Variants in ZNF567 observed in about 807,000 individuals in gnomAD.
The protein encoded by ZNF567 is zinc finger protein 567.
A neutral mutation model predicts 53.9 loss-of-function variants in ZNF567; 36 were observed. The observed-to-expected ratio is 0.67, with a 90% CI of 0.51 to 0.88. The LOEUF is 0.88. Ranked by LOEUF, ZNF567 falls within the 40% of genes least tolerant of loss-of-function variation. The pLI, the probability that ZNF567 is intolerant of heterozygous loss-of-function variation, is 0.00. For missense variants in ZNF567, 619 were observed against 764.7 expected, an observed-to-expected ratio of 0.81 and a Z score of 2.25; for synonymous variants, 224 against 260.4, an observed-to-expected ratio of 0.86 and a Z score of 1.35.
downstream of ZNF567, among the ~76,000 whole-genome samples, chr19:36,723,857 A>G (rs2040322986): frequency 1.3e-5 from 2 of 152,120 alleles, no homozygotes; most frequent in African/African-American, 2.4e-5. Flanking sequence ...AATCATGAAT[A>G]TAATCATTAT....
Position 36,719,391 on chromosome 19 carries a change from G to T in ZNF567, c.667G>T (p.Gly223Ter), listed in dbSNP as rs752278511. The T allele has an allele frequency of 1.5e-5, 25 of 1,613,624 alleles. No homozygotes were observed. In the South Asian group the frequency reaches 2.6e-4, roughly 17 times the overall value. Residue 223 changes from glycine (G) to a stop codon, truncating the protein, a stop_gained, in exon 6 of 6, where the codon GGA becomes TGA. Coordinates refer to ENST00000682579, the MANE Select transcript of ZNF567 (RefSeq NM_001322917.1). LOFTEE classifies it high-confidence loss of function. ...CTGTGAGAAATCATTCCTTCAAAGG[G>T]GAGGCCTGATTACACATAGTAGACC... ...NDCEKSFLQR[G>*]GLITHSRPYK...
chr19:36,682,971 T>TTG (rs918205734), upstream of ZNF567, among the ~76,000 whole-genome samples: 7 of 151,574 alleles, frequency 4.6e-5, no homozygotes, highest in East Asian at 1.9e-4. Flanking sequence ...CTCTCTCTCT[T>TTG]TGTGTGTGTG....
At chr19:36,721,548 C>G (rs2145930802), downstream of ZNF567, among the ~76,000 whole-genome samples, 1 of 152,162 alleles carries the variant, frequency 6.6e-6, no homozygotes, top group African/African-American at 2.4e-5. Context: ...TTAGCTGTCT[C>G]TCAATGCTTA....
Position 36,720,571 on chromosome 19 carries a change from C to T in ZNF567, c.1847C>T (p.Pro616Leu), listed in dbSNP as rs1185223439. Residue 616 changes from proline to leucine, a missense_variant, in exon 6 of 6, where the codon CCC (proline) becomes CTC (leucine). Physicochemically the swap from Pro to Leu is moderately conservative, Grantham distance 98. Coordinates refer to ENST00000682579, the MANE Select transcript of ZNF567 (RefSeq NM_001322917.1). ...VHQRTHTGEK[P>L]YVCNECGKSF... ...CAGAGAACTCACACAGGTGAGAAAC[C>T]CTATGTTTGTAATGAGTGTGGTAAG... The T allele has an allele frequency of 1.9e-6, 3 of 1,613,334 alleles. No individual in the cohort carries two copies. Among genetic ancestry groups the T allele is most frequent in the South Asian group, 1.1e-5 (1 of 90,862 alleles).
Position 36,712,804 on chromosome 19 carries a change from G to A in ZNF567, c.160G>A (p.Val54Met), listed in dbSNP as rs761078334. ...SVGCHMTKPD[V>M]ILKLERGEEP... The stretch of plus-strand genomic sequence containing the variant: ...AGGGTGTCACATGACCAAACCTGAT[G>A]TGATCCTCAAGTTGGAACGAGGAGA... Residue 54 changes from valine (V) to methionine (M), a missense_variant, in exon 5 of 6, where the codon GTG becomes ATG. By Grantham distance (21) the Val-to-Met change is conservative. Coordinates refer to ENST00000682579, the MANE Select transcript of ZNF567 (RefSeq NM_001322917.1). 2.5e-6 allele frequency: 4 copies of A among 1,613,940 alleles called. No individual in the cohort carries two copies. Among genetic ancestry groups the A allele is most frequent in the Non-Finnish European group, 3.4e-6 (4 of 1,180,010 alleles).
At position 36,719,032 on chromosome 19, in the gene ZNF567, A is replaced by G; in HGVS notation, c.308A>G (p.His103Arg). 6.2e-7 allele frequency: 1 copy of G among 1,611,580 alleles called. No individual in the cohort carries two copies. The highest frequency in any genetic ancestry group is 8.5e-7 in the Non-Finnish European group (1 of 1,179,342). ...KYSRSVVSIN[H>R]KKLVKEKSKI... Reference sequence around the variant, plus strand: ...TCTAGATCAGTTGTAAGCATCAACCACAAAAAACTGGTGAAGGAGAAGAGT... The same window carrying G: ...TCTAGATCAGTTGTAAGCATCAACCGCAAAAAACTGGTGAAGGAGAAGAGT... The change falls in exon 6 of 6, where the codon CAC becomes CGC. Residue 103 changes from histidine to arginine, a missense_variant. By Grantham distance (29) the His-to-Arg change is conservative (BLOSUM62 0). Transcript: ENST00000682579.
chr19:36,680,718 G>T, the ZNF567 span, among the ~76,000 whole-genome samples: 1 of 152,272 alleles, frequency 6.6e-6, no homozygotes, highest in Admixed American at 6.5e-5. Flanking sequence ...GATTCTAGGG[G>T]AGAAGCCTCA....
chr19:36,676,892 A>G, the ZNF567 span, among the ~76,000 whole-genome samples: 1 of 152,134 alleles, frequency 6.6e-6, no homozygotes, highest in African/African-American at 2.4e-5. Flanking sequence ...GCGGTGGCTC[A>G]TGCCTGTAAT....
chr19:36,715,509 A>AATT (rs747530916), intron 5 of ZNF567, among the ~76,000 whole-genome samples: 4,964 of 45,462 alleles, frequency 0.11, 177 homozygotes, highest in Non-Finnish European at 0.13. Context: ...TAATAATAAT[A>AATT]ATTATTATTA....
chr19:36,699,424 T>G (rs892542344), intron 3 of ZNF567, among the ~76,000 whole-genome samples: 3 of 152,308 alleles, frequency 2.0e-5, no homozygotes, highest in African/African-American at 7.2e-5. Context: ...TGGTTCCATA[T>G]GAACTTTAAA....
upstream of ZNF567, among the ~76,000 whole-genome samples, chr19:36,682,755 C>T (rs2038206609): frequency 6.6e-6 from 1 of 151,224 alleles, no homozygotes; most frequent in Non-Finnish European, 1.5e-5. Context: ...CTACAGGTGC[C>T]CTCCACCACG....
Position 36,695,165 on chromosome 19 carries a change from G to A in ZNF567, c.9+289G>A, listed in dbSNP as rs1051420255. Among the ~76,000 whole-genome samples, 4 of 151,136 alleles carry A rather than the reference G, an allele frequency of 2.6e-5. No individual in the cohort carries two copies. In the East Asian group the frequency reaches 5.9e-4, roughly 22 times the overall value. On this transcript the variant is annotated intron_variant, in intron 3 of 5. Coordinates refer to ENST00000682579, the MANE Select transcript of ZNF567 (RefSeq NM_001322917.1). ...TGAGAGGCTGAGGCAGGAGAATTGC[G>A]AGTCCAGGAGTTCAAGACCAGCCAG... is the stretch of plus-strand genomic sequence containing the variant.
chr19:36,677,179 G>T, the ZNF567 span, among the ~76,000 whole-genome samples: 2 of 131,992 alleles, frequency 1.5e-5, no homozygotes, highest in African/African-American at 2.9e-5. Flanking sequence ...AAAAAAAAAG[G>T]CTGGGTGTGG....
intron 3 of ZNF567, chr19:36,711,211 C>A: frequency 6.6e-6 from 1 of 152,512 alleles, no homozygotes; most frequent in Non-Finnish European, 1.5e-5. Context: ...AGCAGGATTA[C>A]AGGCACCCAC....
chr19:36,701,962 C>T (rs1034776637), intron 3 of ZNF567, among the ~76,000 whole-genome samples: 2 of 151,554 alleles, frequency 1.3e-5, no homozygotes, highest in African/African-American at 4.9e-5. Flanking sequence ...TTGATCCTGT[C>T]ATTATGATGA....
At chr19:36,700,176 A>G (rs1375650435) in intron 3 of ZNF567, among the ~76,000 whole-genome samples, 4 of 147,154 alleles carry the variant, frequency 2.7e-5, no homozygotes, top group African/African-American at 1.0e-4. Context: ...ATCTATTGAG[A>G]TAATCATGTG....
At chr19:36,703,484 T>C (rs957392595) in intron 3 of ZNF567, among the ~76,000 whole-genome samples, 1 of 152,136 alleles carries the variant, frequency 6.6e-6, no homozygotes, top group Admixed American at 6.5e-5. Flanking sequence ...CATTTAAGTC[T>C]GCAGAGGTTA....
At position 36,720,131 on chromosome 19, in the gene ZNF567, A is replaced by T. The variant is rs778810988; in HGVS notation, c.1407A>T (p.Arg469Ser). The T allele has an allele frequency of 6.2e-7, 1 of 1,614,070 alleles. No homozygotes were observed. Among genetic ancestry groups the T allele is most frequent in the South Asian group, 1.1e-5 (1 of 91,072 alleles). The change falls in exon 6 of 6, where the codon AGA becomes AGT. Residue 469 changes from arginine (R) to serine (S), a missense_variant. Arg to Ser is a moderately radical substitution (Grantham distance 110, BLOSUM62 -1). Coordinates refer to ENST00000682579, the MANE Select transcript of ZNF567 (RefSeq NM_001322917.1). ...RQKTTLVAHQ[R>S]THTGEKSYEC... ...AGACAACCCTTGTAGCACATCAGAG[A>T]ACACATACAGGGGAGAAATCTTATG...
At chr19:36,702,757 C>G (rs2039272718) in intron 3 of ZNF567, among the ~76,000 whole-genome samples, 1 of 152,198 alleles carries the variant, frequency 6.6e-6, no homozygotes, top group Admixed American at 6.5e-5. Flanking sequence ...AGTTCTCGAG[C>G]CTTGGCTTTC....
Sources: allele counts gnomAD v4.1 joint callset (sites outside exome capture counted in the v4.1 genomes callset), GRCh38; gene constraint gnomAD v4.1.1; transcripts MANE v1.5; gene names NCBI Gene and HGNC (gene_info 2026-07-23, HGNC 2026-07-21).